TPRG1: variants seen among roughly 807,000 people sequenced by gnomAD.
TPRG1 encodes the protein tumor protein p63 regulated 1.
TPRG1 carries 29 observed loss-of-function variants against 29.3 expected under a neutral mutation model. The observed-to-expected ratio is 0.99, with a 90% CI of 0.74 to 1.35. The LOEUF is 1.35. Ranked by LOEUF, TPRG1 falls within the 40% of genes most tolerant of loss-of-function variation. TPRG1 has a pLI of 0.00. For synonymous variants in TPRG1, 130 were observed against 116.8 expected, an observed-to-expected ratio of 1.11 and a Z score of -0.73; for missense variants, 327 against 335.0, an observed-to-expected ratio of 0.98 and a Z score of 0.19.
intron 5 of TPRG1, among the ~76,000 whole-genome samples, chr3:189,317,572 T>C (rs1353931599): frequency 3.3e-5 from 5 of 152,190 alleles, no homozygotes; most frequent in Admixed American, 3.3e-4. Context: ...ACTATAAATT[T>C]CAGAGAGGTT....
intron 1 of TPRG1, among the ~76,000 whole-genome samples, chr3:189,113,657 C>T (rs1236663467): frequency 6.6e-6 from 1 of 151,030 alleles, no homozygotes; most frequent in African/African-American, 2.4e-5. Context: ...GTCTTTGGTT[C>T]TGTTTATATG....
chr3:189,274,610 C>T (rs113012062), intron 4 of TPRG1, among the ~76,000 whole-genome samples: 4 of 152,164 alleles, frequency 2.6e-5, no homozygotes, highest in African/African-American at 9.6e-5. Context: ...ACTCTGGTAT[C>T]AGAGCACAGA....
chr3:189,031,590 T>C (rs1328843504), intron 4 of TPRG1, among the ~76,000 whole-genome samples: 1 of 152,194 alleles, frequency 6.6e-6, no homozygotes, highest in Non-Finnish European at 1.5e-5. Flanking sequence ...TAAAGACCAA[T>C]TCAATACATC....
intron 1 of TPRG1, among the ~76,000 whole-genome samples, chr3:189,184,656 C>T (rs143631791): frequency 6.6e-6 from 1 of 152,138 alleles, no homozygotes; most frequent in South Asian, 2.1e-4. Flanking sequence ...TAGCTCTCTG[C>T]CTGTGTTATC....
intron 1 of TPRG1, among the ~76,000 whole-genome samples, chr3:189,206,718 C>T (rs934720625): frequency 6.6e-6 from 1 of 151,812 alleles, no homozygotes; most frequent in Admixed American, 6.6e-5. Context: ...CCAGGCTGGT[C>T]TCAAACTCCT....
At chr3:189,062,066 G>C (rs1716142952) in intron 4 of TPRG1, among the ~76,000 whole-genome samples, 1 of 152,192 alleles carries the variant, frequency 6.6e-6, no homozygotes, top group African/African-American at 2.4e-5. Flanking sequence ...ATTAGATAAA[G>C]AAAATGTGGT....
intron 4 of TPRG1, among the ~76,000 whole-genome samples, chr3:189,025,254 G>A (rs1235759571): frequency 6.6e-6 from 1 of 152,160 alleles, no homozygotes; most frequent in East Asian, 1.9e-4. Context: ...TCTGAGGGTT[G>A]CAAAGATCCA....
chr3:189,012,437 G>C (rs1712651342), intron 3 of TPRG1, among the ~76,000 whole-genome samples: 1 of 152,140 alleles, frequency 6.6e-6, no homozygotes, highest in Non-Finnish European at 1.5e-5. Flanking sequence ...ATTAATTTGT[G>C]TATGCTGAAC....
chr3:189,099,136 C>T (rs971199585), upstream of TPRG1, among the ~76,000 whole-genome samples: 6 of 152,182 alleles, frequency 3.9e-5, no homozygotes, highest in African/African-American at 9.7e-5. Context: ...GCAGGCAGGG[C>T]GGCCGACACC....
At chr3:189,225,513 AG>A (rs1027554003) in intron 3 of TPRG1, among the ~76,000 whole-genome samples, 16 of 152,322 alleles carry the variant, frequency 1.1e-4, no homozygotes, top group Admixed American at 8.5e-4. Context: ...TTCATTATTT[AG>A]GGGCCTGCCA....
intron 4 of TPRG1, among the ~76,000 whole-genome samples, chr3:189,032,811 T>C (rs1714011656): frequency 7.2e-6 from 1 of 138,484 alleles, no homozygotes; most frequent in Admixed American, 8.0e-5. Flanking sequence ...TGTGTTCTCA[T>C]TGTTCAATTC....
At chr3:189,083,541 C>T (rs1026071565) in intron 4 of TPRG1, among the ~76,000 whole-genome samples, 1 of 152,188 alleles carries the variant, frequency 6.6e-6, no homozygotes, top group Non-Finnish European at 1.5e-5. Flanking sequence ...ACTTTGTTGC[C>T]TTGGGCAGAT....
chr3:189,210,938 CTAT>C (rs1735168100), intron 2 of TPRG1, among the ~76,000 whole-genome samples: 1 of 152,084 alleles, frequency 6.6e-6, no homozygotes, highest in South Asian at 2.1e-4. Flanking sequence ...CAGGTATTTT[CTAT>C]TATTAAAGTG....
intron 1 of TPRG1, among the ~76,000 whole-genome samples, chr3:189,194,665 A>G (rs749266846): frequency 3.7e-4 from 56 of 152,268 alleles, no homozygotes; most frequent in Non-Finnish European, 6.9e-4. Flanking sequence ...TTGGACCTGC[A>G]GAGCAGAGTA....
At chr3:189,269,832 A>G (rs1207795871) in intron 4 of TPRG1, among the ~76,000 whole-genome samples, 1 of 152,160 alleles carries the variant, frequency 6.6e-6, no homozygotes, top group Admixed American at 6.5e-5. Context: ...ACAGCTAAGG[A>G]GTTTTTTCAT....
Position 189,297,322 on chromosome 3 carries a change from A to G in TPRG1, c.480-13064A>G, listed in dbSNP as rs182617906. 1.6e-3 allele frequency among the ~76,000 whole-genome samples: 246 copies of G among 152,280 alleles called. 1 individual carries two copies. Among genetic ancestry groups the G allele is most frequent in the Admixed American group, 3.3e-3 (50 of 15,302 alleles). ...CTGCTTAGATTCCTGTCTTGCAATC[A>G]GGTAAAAATGACCATGCCTTTCACT... On this transcript the variant is annotated intron_variant, in intron 4 of 5. Transcript: ENST00000345063.
At chr3:189,073,930 T>C (rs1310147659) in intron 4 of TPRG1, among the ~76,000 whole-genome samples, 4 of 152,324 alleles carry the variant, frequency 2.6e-5, no homozygotes, top group African/African-American at 7.2e-5. Flanking sequence ...TATTATTTCA[T>C]GTATTCTTAC....
chr3:189,005,288 A>G (rs710506), intron 3 of TPRG1, among the ~76,000 whole-genome samples: 135,066 of 152,130 alleles, frequency 0.89, 61,841 homozygotes, highest in Non-Finnish European at 1. Flanking sequence ...AGTGCCGAGT[A>G]AAGTGTGATA....
intron 1 of TPRG1, among the ~76,000 whole-genome samples, chr3:189,197,141 T>C (rs1443332076): frequency 2.6e-5 from 4 of 152,218 alleles, no homozygotes; most frequent in African/African-American, 7.2e-5. Flanking sequence ...TGTGTAGGCA[T>C]TGACACCACC....
Sources: gnomAD v4.1 joint callset for allele counts (sites outside exome capture counted in the v4.1 genomes callset) on GRCh38, gnomAD v4.1.1 for gene constraint, MANE v1.5 for transcripts, NCBI Gene and HGNC (gene_info 2026-07-23, HGNC 2026-07-21) for gene names.